The following EXTL3 variants were observed in gnomAD, a reference collection of about 807,000 sequenced individuals.
EXTL3 encodes exostosin-like 3.
Under a neutral mutation model 69.3 loss-of-function variants are expected in EXTL3, and 27 were observed. The ratio of observed to expected loss-of-function variants is 0.39; its 90% CI spans 0.29 to 0.54. EXTL3 has a LOEUF of 0.54. EXTL3 is among the 20% of genes least tolerant of loss of function. The probability of loss-of-function intolerance (pLI) is 0.69; values close to 1 mark genes in which losing one functional copy is unlikely to be tolerated. For synonymous variants in EXTL3, 511 were observed against 499.4 expected (o/e 1.02, Z -0.31); for missense variants, 1,003 against 1,231.8 (o/e 0.81, Z 2.78).
chr8:28,753,929 T>G lies in EXTL3; in HGVS notation c.*3063T>G, dbSNP rs1323328448. On this transcript the variant is annotated 3_prime_UTR_variant, in exon 7 of 7. Coordinates refer to ENST00000220562, the MANE Select transcript of EXTL3 (RefSeq NM_001440.4). ...TGCCCGGTTCCAGGGCAAGTCATTT[T>G]GACAAAACAGGAACTTAGGGGCTGT... 1 of 152,220 alleles carries G rather than the reference T, an allele frequency of 6.6e-6. No individual in the cohort carries two copies. Among genetic ancestry groups the G allele is most frequent in the Non-Finnish European group, 1.5e-5 (1 of 68,070 alleles). 9.4% of individuals were successfully genotyped at this position (152,220 alleles called of 1,614,324 possible). A position where few individuals can be genotyped will look rare whatever the true frequency, so the allele number is the denominator to read the frequency against.
intron 1 of EXTL3, among the ~76,000 whole-genome samples, chr8:28,661,029 T>G (rs911322911): frequency 2.6e-5 from 4 of 151,188 alleles, no homozygotes; most frequent in Admixed American, 6.6e-5. Context: ...TTCTTCTGCC[T>G]CAGCCTCCCA....
chr8:28,717,321 G>T lies in EXTL3; in HGVS notation c.1262G>T (p.Arg421Leu). The T allele has an allele frequency of 1.2e-6, 2 of 1,614,180 alleles. No individual in the cohort carries two copies. The highest frequency in any genetic ancestry group is 2.2e-5 in the East Asian group (1 of 44,866). Residue 421 changes from arginine (R) to leucine (L), a missense_variant, in exon 3 of 7, where the codon CGC becomes CTC. Physicochemically the swap from Arg to Leu is moderately radical, Grantham distance 102 (BLOSUM62 -2). Coordinates refer to ENST00000220562, the MANE Select transcript of EXTL3 (RefSeq NM_001440.4). The surrounding 1 kb of genome is among the most constrained non-coding windows in gnomAD (Gnocchi z 8.3). ...GCACTGTGTGGAGAGCGGGAGGACC[G>T]CTTGGAATTGCTGAAGCTCTCCACC... ...EWALCGEREDRLELLKLSTFA... is the reference protein window; with the variant it reads ...EWALCGEREDLLELLKLSTFA...
chr8:28,682,213 TG>T (rs1434572036), intron 1 of EXTL3, among the ~76,000 whole-genome samples: 2 of 152,262 alleles, frequency 1.3e-5, no homozygotes, highest in Non-Finnish European at 2.9e-5. Flanking sequence ...AGCATTTTTT[TG>T]TATATGTATA....
rs140766753 is a variant in EXTL3 at position 28,658,545 on chromosome 8, C to T, written c.-53+35735C>T. Among the ~76,000 whole-genome samples, 497 of 152,188 alleles carry T rather than the reference C, an allele frequency of 3.3e-3. 3 individuals are homozygous for T. The highest frequency in any genetic ancestry group is 0.012 in the African/African-American group (478 of 41,532). ...TTGCTGTTCCCCCCCTGCCCCCGCA[C>T]TTATCTTGGAGACTCTAAAAATATC... is the stretch of plus-strand genomic sequence containing the variant. On this transcript the variant is annotated intron_variant, in intron 1 of 6. Coordinates refer to the EXTL3 transcript ENST00000523149.
upstream of EXTL3, among the ~76,000 whole-genome samples, chr8:28,621,424 C>T (rs906355069): frequency 6.6e-6 from 1 of 152,212 alleles, no homozygotes; most frequent in South Asian, 2.1e-4. Context: ...ACTGCCCACA[C>T]CTTGAACACA....
chr8:28,698,865 G>A (rs757993980), upstream of EXTL3, among the ~76,000 whole-genome samples: 7 of 152,246 alleles, frequency 4.6e-5, no homozygotes, highest in East Asian at 5.8e-4. Context: ...ACAGTAGTGC[G>A]TGCCTGTAAT....
chr8:28,685,960 G>A (rs879280238), intron 1 of EXTL3: 123 of 152,022 alleles, frequency 8.1e-4, no homozygotes, highest in African/African-American at 2.9e-3. Flanking sequence ...CCGCCTCCCG[G>A]GTTCAAGCAA....
At chr8:28,678,739 G>A (rs1193891730) in intron 1 of EXTL3, among the ~76,000 whole-genome samples, 1 of 152,154 alleles carries the variant, frequency 6.6e-6, no homozygotes, top group Non-Finnish European at 1.5e-5. Context: ...TCAATACTGT[G>A]GAGAAGAGAA....
At position 28,727,103 on chromosome 8, in the gene EXTL3, C is replaced by T. The variant is rs1307747750; in HGVS notation, c.2149-4120C>T. ...GTTTTGCCATATTAGCCAGGCTGGT[C>T]TTGAACTCCTGACCTCAGGTGATCC... On this transcript the variant is annotated intron_variant, in intron 3 of 6. Transcript: ENST00000220562. 3.3e-5 allele frequency among the ~76,000 whole-genome samples: 5 copies of T among 152,114 alleles called. No homozygotes were observed. In the East Asian group the frequency reaches 9.7e-4, roughly 29 times the overall value.
At chr8:28,710,220 G>T in intron 1 of EXTL3, 2 of 262,248 alleles carry the variant, frequency 7.6e-6, no homozygotes, top group Non-Finnish European at 7.7e-6. Flanking sequence ...CTGACCACTG[G>T]AAAAAGGATT....
intron 1 of EXTL3, among the ~76,000 whole-genome samples, chr8:28,670,169 A>C (rs570415005): frequency 1.5e-4 from 20 of 136,844 alleles, no homozygotes; most frequent in African/African-American, 5.3e-4. Flanking sequence ...AGATTGCACC[A>C]CTGCACTCCA....
At chr8:28,708,059 A>T (rs990780027) in intron 1 of EXTL3, among the ~76,000 whole-genome samples, 11 of 152,198 alleles carry the variant, frequency 7.2e-5, no homozygotes, top group African/African-American at 2.7e-4. Flanking sequence ...TTTGTCTGCT[A>T]GTGGCATTTG....
chr8:28,717,425 G>C lies in EXTL3; in HGVS notation c.1366G>C (p.Glu456Gln). The C allele has an allele frequency of 6.2e-7, 1 of 1,614,220 alleles. No individual in the cohort carries two copies. Among genetic ancestry groups the C allele is most frequent in the Non-Finnish European group, 8.5e-7 (1 of 1,180,044 alleles). Residue 456 changes from glutamate to glutamine, a missense_variant, in exon 3 of 7, where the codon GAA (glutamate) becomes CAA (glutamine). Transcript: ENST00000220562. The surrounding 1 kb of genome is among the most constrained non-coding windows in gnomAD (Gnocchi z 8.3). ...TGCAACACGGCTCTTCGAAGCCCTG[G>C]AAGTCGGTGCCGTCCCGGTGGTGCT... ...GCATRLFEAL[E>Q]VGAVPVVLGE... is the part of the protein sequence containing the mutation.
chr8:28,710,278 A>G (rs965890015), intron 1 of EXTL3: 1 of 329,942 alleles, frequency 3.0e-6, no homozygotes, highest in African/African-American at 2.2e-5. Context: ...GAGTCAGCCA[A>G]TCAGGGGGCT....
chr8:28,632,861 T>C (rs532676775), intron 1 of EXTL3, among the ~76,000 whole-genome samples: 2 of 152,226 alleles, frequency 1.3e-5, no homozygotes, highest in African/African-American at 2.4e-5. Context: ...GCCACATTTA[T>C]TCTTAATAGC....
chr8:28,715,774 TC>T lies in EXTL3; in HGVS notation c.-283del. On this transcript the variant is annotated 5_prime_UTR_variant, in exon 3 of 7. An upstream open reading frame in the 5' UTR gains an earlier in-frame stop. Transcript: ENST00000220562. Reference sequence around the variant, plus strand: ...CTGGGTTTCATCATCAGGTACCTCCTCCCTTTCATCTCAGCAAGAATGTGGC... The same window carrying T: ...CTGGGTTTCATCATCAGGTACCTCCTCCTTTCATCTCAGCAAGAATGTGGC... 1.4e-5 allele frequency: 6 copies of T among 444,320 alleles called. No homozygotes were observed. Among genetic ancestry groups the T allele is most frequent in the Non-Finnish European group, 2.4e-5 (6 of 247,818 alleles). 27.5% of individuals were successfully genotyped at this position (444,320 alleles called of 1,614,324 possible). A position where few individuals can be genotyped will look rare whatever the true frequency, so the allele number is the denominator to read the frequency against.
At chr8:28,647,127 G>A (rs1806844066) in intron 1 of EXTL3, among the ~76,000 whole-genome samples, 2 of 149,302 alleles carry the variant, frequency 1.3e-5, no homozygotes, top group African/African-American at 4.9e-5. Context: ...TTTTTGAGAC[G>A]GAGTTTTGCT....
Position 28,693,950 on chromosome 8 carries a change from A to G in EXTL3, c.-52-19507A>G, listed in dbSNP as rs181511596. 4.2e-3 allele frequency among the ~76,000 whole-genome samples: 645 copies of G among 152,374 alleles called. 2 individuals carry two copies. The highest frequency in any genetic ancestry group is 0.02 in the Middle Eastern group (6 of 294). ...TTCTTTTAAAATCAAAGCCTTACAA[A>G]TAGACTAAGTTCTTATCTGACTTAA... On this transcript the variant is annotated intron_variant, in intron 1 of 6. Coordinates refer to the EXTL3 transcript ENST00000523149.
intron 3 of EXTL3, among the ~76,000 whole-genome samples, chr8:28,723,273 G>C (rs1801337085): frequency 3.9e-5 from 6 of 152,160 alleles, no homozygotes; most frequent in Admixed American, 3.3e-4. Flanking sequence ...CACTTCACTA[G>C]GAGCTGGCAC....
Sources: gnomAD v4.1 joint callset for allele counts (sites outside exome capture counted in the v4.1 genomes callset) on GRCh38, gnomAD v4.1.1 for gene constraint, Gnocchi (gnomAD v3.1) non-coding constraint, MANE v1.5 for transcripts, NCBI Gene and HGNC (gene_info 2026-07-23, HGNC 2026-07-21) for gene names.